GSE1: variants seen among roughly 807,000 people sequenced by gnomAD.
The protein encoded by GSE1 is genetic suppressor element 1.
A neutral mutation model predicts 112.6 loss-of-function variants in GSE1; 32 were observed. The ratio of observed to expected loss-of-function variants is 0.28; its 90% CI spans 0.21 to 0.38. GSE1 has a LOEUF of 0.38. GSE1 is among the 10% of genes least tolerant of loss of function. The pLI is 1.00. For missense variants in GSE1, 2,348 were observed against 1,699.2 expected, an observed-to-expected ratio of 1.38 and a Z score of -6.71; for synonymous variants, 1,115 against 735.6, an observed-to-expected ratio of 1.52 and a Z score of -8.35.
At chr16:85,448,721 G>A (rs539289732) in intron 2 of GSE1, among the ~76,000 whole-genome samples, 5 of 152,334 alleles carry the variant, frequency 3.3e-5, no homozygotes, top group African/African-American at 7.2e-5. Flanking sequence ...CTGGCAGCCC[G>A]CCCCACGCCG....
intron 2 of GSE1, among the ~76,000 whole-genome samples, chr16:85,640,235 C>G (rs922265198): frequency 6.6e-6 from 1 of 152,186 alleles, no homozygotes; most frequent in Non-Finnish European, 1.5e-5. Context: ...TCATGGCTTC[C>G]CTGCCCACAC....
chr16:85,331,046 C>G (rs1400448963), intron 1 of GSE1, among the ~76,000 whole-genome samples: 1 of 152,106 alleles, frequency 6.6e-6, no homozygotes, highest in African/African-American at 2.4e-5. Context: ...GGCTGGGCAC[C>G]TAGCCTCTCT....
intron 1 of GSE1, among the ~76,000 whole-genome samples, chr16:85,183,372 A>G (rs1307760889): frequency 6.6e-6 from 1 of 152,210 alleles, no homozygotes; most frequent in Admixed American, 6.5e-5. Flanking sequence ...ACAACTTGGC[A>G]CAGACTCTGG....
At chr16:85,572,302 C>T (rs760459174) in intron 1 of GSE1, among the ~76,000 whole-genome samples, 1 of 142,838 alleles carries the variant, frequency 7.0e-6, no homozygotes, top group Non-Finnish European at 1.5e-5. Context: ...ACACAACACA[C>T]ACCACATACC....
At chr16:85,430,803 TC>T (rs2049101735) in intron 2 of GSE1, among the ~76,000 whole-genome samples, 1 of 151,726 alleles carries the variant, frequency 6.6e-6, no homozygotes, top group African/African-American at 2.4e-5. Flanking sequence ...GGAGCGGAGG[TC>T]CCCCCACTTA....
chr16:85,612,177 C>G (rs550481742), upstream of GSE1, among the ~76,000 whole-genome samples: 1 of 151,660 alleles, frequency 6.6e-6, no homozygotes, highest in East Asian at 2.0e-4. Context: ...CTCGCCGACC[C>G]CTGCCCCCGA....
intron 1 of GSE1, among the ~76,000 whole-genome samples, chr16:85,243,942 C>T (rs1331029399): frequency 2.0e-5 from 3 of 152,144 alleles, no homozygotes; most frequent in Non-Finnish European, 4.4e-5. Context: ...GCCTGGCCAA[C>T]ATAGAGAAAC....
rs1400568803 is a variant in GSE1, at chr16:85,192,983, G to T, written c.2283+21176G>T. Among the ~76,000 whole-genome samples the T allele has an allele frequency of 3.3e-5, 5 of 152,228 alleles. No individual in the cohort carries two copies. In the East Asian group the frequency reaches 7.7e-4, roughly 23 times the overall value. ...GCGTCTGGCCGACTAGGGCAGGAGG[G>T]CTGTTGGAGGGGGCTGGGAGCCTGC... On this transcript the variant is annotated intron_variant, in intron 1 of 2. Transcript: ENST00000637419.
chr16:85,235,422 A>C (rs1313275337), intron 1 of GSE1, among the ~76,000 whole-genome samples: 2 of 96,778 alleles, frequency 2.1e-5, no homozygotes, highest in East Asian at 3.5e-4. Context: ...GGGTGATGGA[A>C]GGGTACTGTG....
chr16:85,286,979 C>T lies in GSE1; in HGVS notation c.2284-70484C>T, dbSNP rs551746994. ...TTCCACCCTGGAAAGCGTCGGGGGCCGCGGGCTCCAGCGGGTCACTCTGCC... is the reference window on the plus strand; with the variant it reads ...TTCCACCCTGGAAAGCGTCGGGGGCTGCGGGCTCCAGCGGGTCACTCTGCC... On this transcript the variant is annotated intron_variant, in intron 1 of 2. Coordinates refer to the GSE1 transcript ENST00000637419. 1.3e-3 allele frequency among the ~76,000 whole-genome samples: 202 copies of T among 152,320 alleles called. 1 individual carries two copies. The highest frequency in any genetic ancestry group is 4.5e-3 in the African/African-American group (188 of 41,568).
At chr16:85,476,970 A>G (rs1019112397) in intron 2 of GSE1, among the ~76,000 whole-genome samples, 2 of 147,194 alleles carry the variant, frequency 1.4e-5, no homozygotes, top group Non-Finnish European at 3.0e-5. Flanking sequence ...TTGTTGACCA[A>G]CTGGAGTGCA....
At chr16:85,474,138 A>G (rs1277408098) in intron 2 of GSE1, among the ~76,000 whole-genome samples, 2 of 152,070 alleles carry the variant, frequency 1.3e-5, no homozygotes, top group Admixed American at 6.5e-5. Flanking sequence ...CAGGGATGGC[A>G]GTGAGCTGGC....
chr16:85,435,168 T>G (rs1035776784), intron 2 of GSE1, among the ~76,000 whole-genome samples: 1 of 152,216 alleles, frequency 6.6e-6, no homozygotes, highest in African/African-American at 2.4e-5. Context: ...CAGGCTGAGA[T>G]GTGGCAGCAG....
intron 2 of GSE1, among the ~76,000 whole-genome samples, chr16:85,488,080 C>G (rs998271603): frequency 6.6e-6 from 1 of 152,152 alleles, no homozygotes; most frequent in African/African-American, 2.4e-5. Flanking sequence ...TGGCTGTCCT[C>G]GCTGTGACCT....
At chr16:85,535,993 A>T (rs2044313885) in intron 2 of GSE1, among the ~76,000 whole-genome samples, 1 of 152,258 alleles carries the variant, frequency 6.6e-6, no homozygotes, top group African/African-American at 2.4e-5. Flanking sequence ...GGATTCAAAG[A>T]TGGAAGACAC....
intron 2 of GSE1, among the ~76,000 whole-genome samples, chr16:85,546,057 T>C (rs1487617000): frequency 6.6e-6 from 1 of 152,094 alleles, no homozygotes; most frequent in African/African-American, 2.4e-5. Flanking sequence ...AGTGCTGGGA[T>C]TACAGGCGGG....
Position 85,657,694 on chromosome 16 carries a change from C to T in GSE1, c.1640+90C>T, listed in dbSNP as rs994712160. The T allele has an allele frequency of 7.2e-5, 59 of 818,090 alleles. 1 individual carries two copies. The highest frequency in any genetic ancestry group is 6.0e-4 in the South Asian group (29 of 48,128). 50.7% of individuals were successfully genotyped at this position (818,090 alleles called of 1,614,324 possible). A position where few individuals can be genotyped will look rare whatever the true frequency, so the allele number is the denominator to read the frequency against. ...GAGCACCTCCTGTTTGCCCAACATC[C>T]TGCCCCAGCGTTTCTGCCTGCCTCT... On this transcript the variant is annotated intron_variant, in intron 8 of 15. Coordinates refer to ENST00000253458, the MANE Select transcript of GSE1 (RefSeq NM_014615.5).
chr16:85,562,474 T>C (rs1270269635), intron 1 of GSE1, among the ~76,000 whole-genome samples: 3 of 152,228 alleles, frequency 2.0e-5, no homozygotes, highest in Non-Finnish European at 4.4e-5. Context: ...CTTATCTCCT[T>C]GACTCTGGAG....
chr16:85,231,571 G>A (rs1904287321), intron 1 of GSE1, among the ~76,000 whole-genome samples: 1 of 152,292 alleles, frequency 6.6e-6, no homozygotes, highest in South Asian at 2.1e-4. Context: ...GTAGATGAAT[G>A]AGTAGATGAT....
Sources: gnomAD v4.1 joint callset for allele counts (sites outside exome capture counted in the v4.1 genomes callset) on GRCh38, gnomAD v4.1.1 for gene constraint, MANE v1.5 for transcripts, NCBI Gene and HGNC (gene_info 2026-07-23, HGNC 2026-07-21) for gene names.